Variants in BACH1 observed in about 807,000 individuals in gnomAD.
BACH1 encodes transcription regulator protein BACH1.
Under a neutral mutation model 52.9 loss-of-function variants are expected in BACH1, and 35 were observed. The observed-to-expected ratio is 0.66, with a 90% CI of 0.51 to 0.88. The LOEUF is 0.88. Ranked by LOEUF, BACH1 falls within the 40% of genes least tolerant of loss-of-function variation. BACH1 has a pLI of 0.00. For synonymous variants in BACH1, 321 were observed against 319.6 expected (o/e 1.00, Z -0.05); for missense variants, 808 against 872.6 (o/e 0.93, Z 0.93).
At position 29,321,600 on chromosome 21, in the gene BACH1, C is replaced by T. The variant is rs922303233; in HGVS notation, c.234+86C>T. On this transcript the variant is annotated intron_variant, in intron 2 of 4. Transcript: ENST00000286800. ...TAATGTTGAAAATAAAGCACAGTCTCCTTGTCAGGTGGCTATGGAGCATTT... is the reference window on the plus strand; with the variant it reads ...TAATGTTGAAAATAAAGCACAGTCTTCTTGTCAGGTGGCTATGGAGCATTT... 6 of 1,240,616 alleles carry T rather than the reference C, an allele frequency of 4.8e-6. No homozygotes were observed. In the Admixed American group the frequency reaches 9.8e-5, roughly 20 times the overall value. 76.9% of individuals were successfully genotyped at this position (1,240,616 alleles called of 1,614,324 possible).
intron 3 of BACH1, 67 bp from the exon 4 acceptor site, chr21:29,329,420 A>G (rs1299078802): frequency 3.1e-6 from 4 of 1,300,940 alleles, no homozygotes; most frequent in Non-Finnish European, 4.1e-6. Context: ...GTATACCTTC[A>G]TCTTCCTAGG....
In BACH1 at chr21:29,326,657, A is replaced by G; in HGVS notation, c.833A>G (p.Lys278Arg). The change falls in exon 3 of 5, where the codon AAA (lysine) becomes AGA (arginine). Residue 278 changes from lysine (K) to arginine (R), a missense_variant. Transcript: ENST00000286800. ...PECRDLQVML[K>R]CDESKLAMEP... ...TGTAGAGATTTGCAGGTGATGTTAA[A>G]ATGTGACGAAAGTAAATTAGCAATG... is the stretch of plus-strand genomic sequence containing the variant. 6.2e-7 allele frequency: 1 copy of G among 1,614,214 alleles called. No homozygotes were observed.
intron 1 of BACH1, among the ~76,000 whole-genome samples, chr21:29,310,109 A>G (rs2088703588): frequency 6.6e-6 from 1 of 152,214 alleles, no homozygotes; most frequent in African/African-American, 2.4e-5. Flanking sequence ...GCTAAGTTTT[A>G]GAGCCCATCA....
At chr21:29,320,487 T>A (rs561041421) in intron 1 of BACH1, among the ~76,000 whole-genome samples, 18 of 152,290 alleles carry the variant, frequency 1.2e-4, no homozygotes, top group African/African-American at 3.1e-4. Flanking sequence ...GTATGTATTT[T>A]AAAAAAATAT....
chr21:29,326,318 T>G lies in BACH1; in HGVS notation c.494T>G (p.Leu165Arg). 1 of 1,614,226 alleles carries G rather than the reference T, an allele frequency of 6.2e-7. No homozygotes were observed. The highest frequency in any genetic ancestry group is 8.5e-7 in the Non-Finnish European group (1 of 1,180,028). The change falls in exon 3 of 5, where the codon CTA becomes CGA. Residue 165 changes from leucine to arginine, a missense_variant. Transcript: ENST00000286800. ...LKLSLLDQRD[L>R]ETDEVEEFLE... ...CTTTCACTTTTGGACCAGAGGGATC[T>G]AGAAACTGATGAAGTGGAGGAATTT...
intron 1 of BACH1, among the ~76,000 whole-genome samples, chr21:29,311,949 G>A (rs1385904722): frequency 6.6e-6 from 1 of 152,234 alleles, no homozygotes; most frequent in East Asian, 1.9e-4. Flanking sequence ...AAAGTGACAT[G>A]CTTAACTGAC....
rs2088608734 is a variant in BACH1, at chr21:29,301,969, C to A, written c.-61+3016C>A. 2.0e-5 allele frequency among the ~76,000 whole-genome samples: 3 copies of A among 152,232 alleles called. No homozygotes were observed. In the South Asian group the frequency reaches 6.2e-4, roughly 32 times the overall value. ...TCTCATGTGCCATGTGCCTTCTACA[C>A]CCCTGTACTGTGAGAGGTGATGCTC... On this transcript the variant is annotated intron_variant, in intron 1 of 4. Transcript: ENST00000286800.
At chr21:29,336,032 C>G (rs1038988442) in intron 4 of BACH1, among the ~76,000 whole-genome samples, 1 of 152,182 alleles carries the variant, frequency 6.6e-6, no homozygotes, top group Non-Finnish European at 1.5e-5. Context: ...AATATTATAT[C>G]TAGTTTTTAT....
At chr21:29,311,770 C>G (rs955889787) in intron 1 of BACH1, among the ~76,000 whole-genome samples, 6 of 152,172 alleles carry the variant, frequency 3.9e-5, no homozygotes, top group Non-Finnish European at 8.8e-5. Context: ...TGCCTTTTGA[C>G]TCTGCACATT....
downstream of BACH1, among the ~76,000 whole-genome samples, chr21:29,348,960 G>T (rs939196339): frequency 6.6e-6 from 1 of 152,088 alleles, no homozygotes; most frequent in Non-Finnish European, 1.5e-5. Flanking sequence ...CGGGCGTGGT[G>T]GCAGGTGCCT....
intron 4 of BACH1, among the ~76,000 whole-genome samples, chr21:29,336,552 C>T (rs540830470): frequency 1.3e-5 from 2 of 152,344 alleles, no homozygotes; most frequent in South Asian, 2.1e-4. Context: ...ATGACCTTCA[C>T]TGTGATTACC....
At chr21:29,311,256 C>G (rs1190554160) in intron 1 of BACH1, among the ~76,000 whole-genome samples, 1 of 152,014 alleles carries the variant, frequency 6.6e-6, no homozygotes, top group African/African-American at 2.4e-5. Context: ...TCAGAATATT[C>G]TCTATCAAAT....
At chr21:29,313,390 TA>T (rs2088750146) in intron 1 of BACH1, among the ~76,000 whole-genome samples, 2 of 152,244 alleles carry the variant, frequency 1.3e-5, no homozygotes, top group African/African-American at 4.8e-5. Flanking sequence ...CAGTAATTTC[TA>T]AAAAGTTAGG....
downstream of BACH1, among the ~76,000 whole-genome samples, chr21:29,348,343 AC>A (rs1400389256): frequency 6.6e-6 from 1 of 152,076 alleles, no homozygotes; most frequent in Non-Finnish European, 1.5e-5. Context: ...TGGCCCCACA[AC>A]CACCCTTGTT....
intron 1 of BACH1, among the ~76,000 whole-genome samples, chr21:29,309,945 C>T (rs1457881159): frequency 1.3e-5 from 2 of 152,120 alleles, no homozygotes; most frequent in Admixed American, 1.3e-4. Flanking sequence ...GCACATTTGC[C>T]CTTGTTCACA....
At chr21:29,307,735 G>A (rs980741886) in intron 1 of BACH1, among the ~76,000 whole-genome samples, 7 of 152,182 alleles carry the variant, frequency 4.6e-5, no homozygotes, top group Admixed American at 2.0e-4. Context: ...TGTATCCCCT[G>A]TAGATAAGGG....
In BACH1 at chr21:29,344,222, A is replaced by C. The variant is rs2089145410; in HGVS notation, c.*1389A>C. The C allele has an allele frequency of 6.6e-6, 1 of 152,620 alleles. No homozygotes were observed. The highest frequency in any genetic ancestry group is 2.1e-4 in the South Asian group (1 of 4,822). The allele number at this position is 152,620 out of a possible 1,614,324, so 9.5% of individuals were successfully genotyped here. ...GAAACATTGGCAGAACCCAGTTTTA[A>C]TGGTACAGAGGAGTAGTTTATAGTG... is the stretch of plus-strand genomic sequence containing the variant. On this transcript the variant is annotated 3_prime_UTR_variant, in exon 5 of 5. Coordinates refer to ENST00000286800, the MANE Select transcript of BACH1 (RefSeq NM_001186.4).
chr21:29,306,418 G>A (rs1437640217), intron 1 of BACH1, among the ~76,000 whole-genome samples: 3 of 149,400 alleles, frequency 2.0e-5, no homozygotes, highest in African/African-American at 7.5e-5. Flanking sequence ...TTTCCCTAAA[G>A]CCTCATAGCA....
chr21:29,334,183 C>T (rs1018134307), intron 4 of BACH1, among the ~76,000 whole-genome samples: 10 of 151,676 alleles, frequency 6.6e-5, no homozygotes, highest in Admixed American at 2.6e-4. Flanking sequence ...CTGTAAGCTC[C>T]GCCTCCTAGG....
Sources: gnomAD v4.1 joint callset for allele counts (sites outside exome capture counted in the v4.1 genomes callset) on GRCh38, gnomAD v4.1.1 for gene constraint, MANE v1.5 for transcripts, NCBI Gene and HGNC (gene_info 2026-07-23, HGNC 2026-07-21) for gene names.